LOC400499: variants seen among roughly 807,000 people sequenced by gnomAD.
At chr16:11,403,789 G>C in the LOC400499 span, among the ~76,000 whole-genome samples, 1 of 152,136 alleles carries the variant, frequency 6.6e-6, no homozygotes, top group South Asian at 2.1e-4. Flanking sequence ...AGGGGCTCAT[G>C]GCTGCTGTTG....
the LOC400499 span, among the ~76,000 whole-genome samples, chr16:11,481,546 C>T: frequency 6.6e-6 from 1 of 152,212 alleles, no homozygotes; most frequent in Non-Finnish European, 1.5e-5. Flanking sequence ...TGGTCTCGAA[C>T]TCCTCATCTC....
At chr16:11,422,022 C>G in the LOC400499 span, among the ~76,000 whole-genome samples, 4 of 152,246 alleles carry the variant, frequency 2.6e-5, no homozygotes, top group African/African-American at 4.8e-5. Context: ...CCACACAGCC[C>G]AGTGACACAT....
At chr16:11,403,305 T>TG in the LOC400499 span, among the ~76,000 whole-genome samples, 1 of 152,156 alleles carries the variant, frequency 6.6e-6, no homozygotes, top group African/African-American at 2.4e-5. Flanking sequence ...GCTGACCACA[T>TG]GCAGGGCTAG....
At chr16:11,475,178 G>C in the LOC400499 span, among the ~76,000 whole-genome samples, 2 of 152,202 alleles carry the variant, frequency 1.3e-5, no homozygotes, top group African/African-American at 4.8e-5. Context: ...TTTAAACAAA[G>C]GGAGGGAGAG....
At chr16:11,381,211 A>C in the LOC400499 span, 1 of 152,312 alleles carries the variant, frequency 6.6e-6, no homozygotes, top group East Asian at 1.9e-4. Flanking sequence ...CTGGTATTGC[A>C]AACATTTTTC....
chr16:11,477,721 A>T, the LOC400499 span: 2 of 396,668 alleles, frequency 5.0e-6, no homozygotes, highest in African/African-American at 4.1e-5. Context: ...CAGAATAGGG[A>T]TCCTCTCTTA....
the LOC400499 span, among the ~76,000 whole-genome samples, chr16:11,421,659 C>T: frequency 6.6e-6 from 1 of 152,198 alleles, no homozygotes; most frequent in African/African-American, 2.4e-5. Flanking sequence ...CCACCTCGGC[C>T]TCCCAAAGTA....
the LOC400499 span, among the ~76,000 whole-genome samples, chr16:11,431,920 C>T: frequency 6.6e-6 from 1 of 152,190 alleles, no homozygotes; most frequent in African/African-American, 2.4e-5. Flanking sequence ...CAATGTAGAA[C>T]TTTCAAGATT....
the LOC400499 span, among the ~76,000 whole-genome samples, chr16:11,381,451 A>T: frequency 1.3e-5 from 2 of 152,092 alleles, no homozygotes; most frequent in Non-Finnish European, 2.9e-5. Flanking sequence ...GTCTCTAGAG[A>T]TGAGTCCTCG....
chr16:11,505,096 G>A, the LOC400499 span, among the ~76,000 whole-genome samples: 85 of 151,702 alleles, frequency 5.6e-4, no homozygotes, highest in East Asian at 0.014. Flanking sequence ...TGAACCCAGG[G>A]CACCAGCTCC....
the LOC400499 span, among the ~76,000 whole-genome samples, chr16:11,492,145 C>T: frequency 2.6e-5 from 4 of 152,288 alleles, no homozygotes; most frequent in African/African-American, 4.8e-5. Flanking sequence ...CATAGTGTCT[C>T]GCCACACAGG....
At chr16:11,384,778 G>C in the LOC400499 span, 9 of 988,776 alleles carry the variant, frequency 9.1e-6, no homozygotes, top group South Asian at 4.2e-4. Flanking sequence ...AGACGAGGCC[G>C]GCAGAGGCTC....
At chr16:11,457,200 C>T in the LOC400499 span, 4 of 627,854 alleles carry the variant, frequency 6.4e-6, no homozygotes, top group South Asian at 6.1e-5. Flanking sequence ...AAACAAGGAG[C>T]GTTGGTAAGG....
At chr16:11,464,296 G>A in the LOC400499 span, among the ~76,000 whole-genome samples, 1 of 152,216 alleles carries the variant, frequency 6.6e-6, no homozygotes. Context: ...CTGCTGGCAG[G>A]CACATTCGAG....
chr16:11,514,139 A>C, the LOC400499 span, among the ~76,000 whole-genome samples: 1 of 152,208 alleles, frequency 6.6e-6, no homozygotes, highest in South Asian at 2.1e-4. Flanking sequence ...CCCAGGGAAA[A>C]GGGACTCAAC....
the LOC400499 span, among the ~76,000 whole-genome samples, chr16:11,511,090 G>A: frequency 6.8e-6 from 1 of 146,186 alleles, no homozygotes; most frequent in East Asian, 2.0e-4. Context: ...TCGACCTTCT[G>A]GGCTCAGGTG....
At chr16:11,506,372 C>T in the LOC400499 span, among the ~76,000 whole-genome samples, 2 of 152,322 alleles carry the variant, frequency 1.3e-5, no homozygotes, top group East Asian at 3.9e-4. Flanking sequence ...GCCTGTGGGA[C>T]ATCCGGAAGT....
chr16:11,492,527 T>A, the LOC400499 span, among the ~76,000 whole-genome samples: 1 of 151,970 alleles, frequency 6.6e-6, no homozygotes, highest in Non-Finnish European at 1.5e-5. Context: ...CTCATGCCTG[T>A]AATCACAGCA....
the LOC400499 span, among the ~76,000 whole-genome samples, chr16:11,409,853 G>C: frequency 2.0e-5 from 3 of 148,100 alleles, no homozygotes; most frequent in African/African-American, 7.4e-5. Context: ...GAAAAAATGT[G>C]TGATGATACA....
Sources: allele counts gnomAD v4.1 joint callset (sites outside exome capture counted in the v4.1 genomes callset), GRCh38; gene constraint gnomAD v4.1.1; transcripts MANE v1.5.